The following CDYL variants were observed in gnomAD, a reference collection of about 807,000 sequenced individuals.
The protein encoded by CDYL is chromodomain Y-like protein.
Under a neutral mutation model 47.3 loss-of-function variants are expected in CDYL, and 8 were observed. The observed-to-expected ratio is 0.17, with a 90% CI of 0.10 to 0.31. CDYL has a LOEUF of 0.31. CDYL is among the 10% of genes least tolerant of loss of function. The pLI, the probability that CDYL is intolerant of heterozygous loss-of-function variation, is 1.00. For missense variants in CDYL, 471 were observed against 701.4 expected (o/e 0.67, Z 3.71); for synonymous variants, 266 against 265.0 (o/e 1.00, Z -0.04).
rs1366748827 is a variant in CDYL at position 4,740,452 on chromosome 6, A to G, written c.186+5608A>G. Among the ~76,000 whole-genome samples the G allele has an allele frequency of 2.0e-5, 3 of 152,208 alleles. No homozygotes were observed. In the East Asian group the frequency reaches 5.8e-4, roughly 29 times the overall value. ...AACTGCTGAACATCCTGAGATTCTC[A>G]GGACAGCCCCCACCACAAAGAACCA... On this transcript the variant is annotated intron_variant, in intron 3 of 8. Coordinates refer to the CDYL transcript ENST00000328908.
At chr6:4,895,565 A>G (rs965074397) in intron 2 of CDYL, among the ~76,000 whole-genome samples, 4 of 151,790 alleles carry the variant, frequency 2.6e-5, no homozygotes, top group Middle Eastern at 3.4e-3. Context: ...GTATATATAT[A>G]CACACATTTT....
At chr6:4,795,310 C>T (rs1166169234) in intron 1 of CDYL, among the ~76,000 whole-genome samples, 2 of 152,054 alleles carry the variant, frequency 1.3e-5, no homozygotes, top group Non-Finnish European at 2.9e-5. Context: ...ATAAATGTGA[C>T]TCTGCTTAGT....
At chr6:4,857,888 C>T (rs1049387044) in intron 1 of CDYL, among the ~76,000 whole-genome samples, 1 of 152,166 alleles carries the variant, frequency 6.6e-6, no homozygotes, top group African/African-American at 2.4e-5. Context: ...ACTCACTTCT[C>T]ATTATGCCTG....
intron 2 of CDYL, among the ~76,000 whole-genome samples, chr6:4,930,094 G>C (rs1205535027): frequency 6.6e-6 from 1 of 152,216 alleles, no homozygotes; most frequent in Non-Finnish European, 1.5e-5. Context: ...ATATGTGCCT[G>C]ATCTGGGGTC....
intron 1 of CDYL, among the ~76,000 whole-genome samples, chr6:4,713,914 A>G (rs1757203585): frequency 6.6e-6 from 1 of 152,124 alleles, no homozygotes; most frequent in African/African-American, 2.4e-5. Flanking sequence ...GGCTTAACTA[A>G]TATCTAATAG....
chr6:4,861,889 A>G (rs978720859), intron 1 of CDYL, among the ~76,000 whole-genome samples: 1 of 152,194 alleles, frequency 6.6e-6, no homozygotes, highest in African/African-American at 2.4e-5. Flanking sequence ...GATCTGGTTA[A>G]GTTACAAAGA....
intron 1 of CDYL, among the ~76,000 whole-genome samples, chr6:4,839,918 A>T (rs1760437701): frequency 6.6e-6 from 1 of 152,094 alleles, no homozygotes; most frequent in African/African-American, 2.4e-5. Context: ...TTTTGGTTCC[A>T]TATGAATTTT....
At chr6:4,729,875 G>A (rs913241059) in intron 2 of CDYL, among the ~76,000 whole-genome samples, 20 of 152,008 alleles carry the variant, frequency 1.3e-4, no homozygotes, top group Non-Finnish European at 2.1e-4. Context: ...CCACGATCAC[G>A]CTACTACACT....
At chr6:4,797,173 CT>C (rs397837171) in intron 1 of CDYL, among the ~76,000 whole-genome samples, 1 of 151,874 alleles carries the variant, frequency 6.6e-6, no homozygotes, top group African/African-American at 2.4e-5. Context: ...ATGTATATTA[CT>C]TTAATTTATA....
Position 4,953,918 on chromosome 6 carries a change from C to T in CDYL, c.1497C>T (p.Ala499=). The part of the protein sequence containing the change: ...CNPVVLEESK[A]LVRCNMKMEL... ...TGCAGGTGCTTGAGGAATCCAAAGCCCTCGTGCGCTGCAACATGAAGATGG... is the reference window on the plus strand; with the variant it reads ...TGCAGGTGCTTGAGGAATCCAAAGCTCTCGTGCGCTGCAACATGAAGATGG... The change falls in exon 7 of 7, where the codon GCC becomes GCT. Residue 499 remains alanine (A), a synonymous_variant. Coordinates refer to ENST00000397588, the MANE Select transcript of CDYL (RefSeq NM_004824.4). The T allele has an allele frequency of 6.2e-7, 1 of 1,613,462 alleles. No individual in the cohort carries two copies. Among genetic ancestry groups the T allele is most frequent in the Non-Finnish European group, 8.5e-7 (1 of 1,179,818 alleles).
intron 1 of CDYL, among the ~76,000 whole-genome samples, chr6:4,833,360 A>G: frequency 6.6e-6 from 1 of 151,536 alleles, no homozygotes. Context: ...CAGGTTGTTC[A>G]GTTTCCATGT....
intron 1 of CDYL, among the ~76,000 whole-genome samples, chr6:4,840,390 C>CCTTT (rs529202273): frequency 6.6e-6 from 1 of 152,080 alleles, no homozygotes. Flanking sequence ...ATTTGGATGG[C>CCTTT]CTTTCTTTCT....
chr6:4,877,197 G>C (rs1761643690), intron 1 of CDYL, among the ~76,000 whole-genome samples: 1 of 152,230 alleles, frequency 6.6e-6, no homozygotes, highest in Non-Finnish European at 1.5e-5. Context: ...TTGGTACTGA[G>C]AGTGGGTGTT....
chr6:4,910,049 A>G (rs1350441979), intron 2 of CDYL, among the ~76,000 whole-genome samples: 1 of 140,590 alleles, frequency 7.1e-6, no homozygotes, highest in African/African-American at 2.7e-5. Flanking sequence ...TTTTTTTTTA[A>G]TCTGGTTGAC....
intron 3 of CDYL, among the ~76,000 whole-genome samples, chr6:4,740,597 C>T (rs777828822): frequency 6.6e-6 from 1 of 152,076 alleles, no homozygotes; most frequent in Non-Finnish European, 1.5e-5. Context: ...TCTGATGAGT[C>T]CTTTTTATAA....
Position 4,954,291 on chromosome 6 carries a change from A to G in CDYL, c.*235A>G, listed in dbSNP as rs1170497140. 2.6e-6 allele frequency: 1 copy of G among 385,910 alleles called. No individual in the cohort carries two copies. The highest frequency in any genetic ancestry group is 4.6e-6 in the Non-Finnish European group (1 of 215,582). 23.9% of individuals were successfully genotyped at this position (385,910 alleles called of 1,614,324 possible). A position where few individuals can be genotyped will look rare whatever the true frequency, so the allele number is the denominator to read the frequency against. On this transcript the variant is annotated 3_prime_UTR_variant, in exon 7 of 7. Coordinates refer to ENST00000397588, the MANE Select transcript of CDYL (RefSeq NM_004824.4). ...AAACGTCATTATTTTATACTTATAT[A>G]CACGCAGGTGTAAAAGTATAAAGGT... is the stretch of plus-strand genomic sequence containing the variant.
At chr6:4,945,221 C>T (rs1758476172) in intron 5 of CDYL, among the ~76,000 whole-genome samples, 1 of 152,172 alleles carries the variant, frequency 6.6e-6, no homozygotes, top group South Asian at 2.1e-4. Flanking sequence ...CTTTGGTCAT[C>T]TTAAGATGTT....
chr6:4,936,979 T>C (rs1250922463), intron 3 of CDYL, among the ~76,000 whole-genome samples: 1 of 152,212 alleles, frequency 6.6e-6, no homozygotes, highest in Non-Finnish European at 1.5e-5. Flanking sequence ...ATGAGACATT[T>C]GCAAATTAAT....
chr6:4,849,465 C>A (rs1044633992), intron 1 of CDYL, among the ~76,000 whole-genome samples: 1 of 152,124 alleles, frequency 6.6e-6, no homozygotes. Flanking sequence ...TACTGAGCAG[C>A]ACGATAATTC....
Sources: allele counts gnomAD v4.1 joint callset (sites outside exome capture counted in the v4.1 genomes callset), GRCh38; gene constraint gnomAD v4.1.1; transcripts MANE v1.5; gene names NCBI Gene and HGNC (gene_info 2026-07-23, HGNC 2026-07-21).